Variants in LYN observed in about 807,000 individuals in gnomAD.
The protein encoded by LYN is tyrosine-protein kinase Lyn.
LYN carries 12 observed loss-of-function variants against 65.0 expected under a neutral mutation model. The observed-to-expected ratio is 0.18, with a 90% confidence interval of 0.12 to 0.30. The LOEUF (loss-of-function observed/expected upper bound fraction) is 0.30. LYN is among the 10% of genes least tolerant of loss of function. LYN has a pLI of 1.00. For synonymous variants in LYN, 222 were observed against 221.2 expected, an observed-to-expected ratio of 1.00 and a Z score of -0.03; for missense variants, 380 against 623.2, an observed-to-expected ratio of 0.61 and a Z score of 4.16.
chr8:55,880,874 G>T (rs778674557), intron 1 of LYN, among the ~76,000 whole-genome samples: 12 of 152,216 alleles, frequency 7.9e-5, no homozygotes, highest in Non-Finnish European at 1.6e-4. Context: ...GGCATCTTTT[G>T]CTTGCGGTGC....
chr8:55,885,043 C>T (rs1288523884), intron 1 of LYN, among the ~76,000 whole-genome samples: 1 of 152,154 alleles, frequency 6.6e-6, no homozygotes. Context: ...TTCCAGTACC[C>T]CTTCTTCTGC....
At chr8:55,908,866 C>T (rs1404832983) in intron 1 of LYN, among the ~76,000 whole-genome samples, 1 of 151,710 alleles carries the variant, frequency 6.6e-6, no homozygotes, top group Non-Finnish European at 1.5e-5. Flanking sequence ...AATTGTTTTA[C>T]TTAAGATAAT....
chr8:55,985,989 A>G (rs144755094), intron 10 of LYN, among the ~76,000 whole-genome samples: 1 of 152,274 alleles, frequency 6.6e-6, no homozygotes, highest in African/African-American at 2.4e-5. Context: ...CAATATAGTG[A>G]GACCTCATCT....
rs574195840 is a variant in LYN at position 55,904,621 on chromosome 8, A to T, written c.-6+24518A>T. Among the ~76,000 whole-genome samples, 368 of 152,246 alleles carry T rather than the reference A, an allele frequency of 2.4e-3. 1 individual carries two copies. The highest frequency in any genetic ancestry group is 8.5e-3 in the African/African-American group (353 of 41,542). ...AAGAAATGGCCAGGTGCGGTGGCTC[A>T]TGCCTGTAATCCCAGCTACTCGGGA... On this transcript the variant is annotated intron_variant, in intron 1 of 12. Coordinates refer to ENST00000519728, the MANE Select transcript of LYN (RefSeq NM_002350.4).
chr8:56,010,460 A>C lies in LYN; in HGVS notation c.*350A>C. 3.1e-6 allele frequency: 1 copy of C among 318,614 alleles called. No homozygotes were observed. The highest frequency in any genetic ancestry group is 5.9e-6 in the Non-Finnish European group (1 of 168,106). 19.7% of individuals were successfully genotyped at this position (318,614 alleles called of 1,614,324 possible). On this transcript the variant is annotated 3_prime_UTR_variant, in exon 13 of 13. Coordinates refer to ENST00000519728, the MANE Select transcript of LYN (RefSeq NM_002350.4). ...AAATGGACATAGGACTCAAAGTTTCAGAGACCATTGCAATGAATCCCCAAT... is the reference window on the plus strand; with the variant it reads ...AAATGGACATAGGACTCAAAGTTTCCGAGACCATTGCAATGAATCCCCAAT...
chr8:55,938,923 C>T (rs1386877521), intron 1 of LYN, among the ~76,000 whole-genome samples: 1 of 152,176 alleles, frequency 6.6e-6, no homozygotes, highest in South Asian at 2.1e-4. Flanking sequence ...CCTCAGTTTT[C>T]TCCTCTGTAA....
At chr8:55,956,920 A>C (rs888267004) in intron 8 of LYN, among the ~76,000 whole-genome samples, 4 of 152,196 alleles carry the variant, frequency 2.6e-5, no homozygotes, top group African/African-American at 9.7e-5. Flanking sequence ...TACAGGCTCT[A>C]CGGGCCCTGC....
chr8:55,971,042 G>A (rs770788926), intron 10 of LYN, among the ~76,000 whole-genome samples: 11 of 152,242 alleles, frequency 7.2e-5, no homozygotes, highest in African/African-American at 1.2e-4. Flanking sequence ...GTAAAGGTGT[G>A]TGATGGGTGA....
At chr8:55,908,390 A>AC (rs1257235748) in intron 1 of LYN, among the ~76,000 whole-genome samples, 4 of 151,314 alleles carry the variant, frequency 2.6e-5, no homozygotes, top group African/African-American at 9.7e-5. Flanking sequence ...GATTACAGGC[A>AC]CCCCCCACCG....
At chr8:55,998,066 A>G (rs1294698339) in intron 10 of LYN, among the ~76,000 whole-genome samples, 1 of 151,974 alleles carries the variant, frequency 6.6e-6, no homozygotes, top group Non-Finnish European at 1.5e-5. Context: ...CCTGGGTGAA[A>G]GAGCGAGACT....
At chr8:55,912,529 C>G (rs1805665932) in intron 1 of LYN, among the ~76,000 whole-genome samples, 1 of 152,056 alleles carries the variant, frequency 6.6e-6, no homozygotes, top group Non-Finnish European at 1.5e-5. Flanking sequence ...AGTTCGAGAC[C>G]AGCCTGGCCA....
intron 10 of LYN, among the ~76,000 whole-genome samples, chr8:55,992,357 C>T (rs1052248335): frequency 1.3e-5 from 2 of 152,174 alleles, no homozygotes; most frequent in Non-Finnish European, 2.9e-5. Context: ...CCATGAGGCC[C>T]ACAGGGTCCT....
At position 55,999,737 on chromosome 8, in the gene LYN, C is replaced by T. The variant is rs567139616; in HGVS notation, c.1336+188C>T. Reference sequence around the variant, plus strand: ...CTGTAATCCCAGCACTTTGGGAGGCCGAGGCAGGTGGATCACCTGAGGTCG... The same window carrying T: ...CTGTAATCCCAGCACTTTGGGAGGCTGAGGCAGGTGGATCACCTGAGGTCG... On this transcript the variant is annotated intron_variant, in intron 12 of 12. Transcript: ENST00000519728. Among the ~76,000 whole-genome samples, 11 of 152,144 alleles carry T rather than the reference C, an allele frequency of 7.2e-5. No individual in the cohort carries two copies. The South Asian group carries it at 1.7e-3, about 23-fold the overall frequency.
intron 2 of LYN, among the ~76,000 whole-genome samples, chr8:55,945,660 G>GA (rs1806754047): frequency 6.6e-6 from 1 of 152,156 alleles, no homozygotes; most frequent in Non-Finnish European, 1.5e-5. Context: ...GTGGCACTGT[G>GA]AAGAAAAGAA....
At chr8:55,920,678 A>ATTTTTTTTTTTTTTTTT (rs57862713) in intron 1 of LYN, among the ~76,000 whole-genome samples, 1 of 150,446 alleles carries the variant, frequency 6.6e-6, no homozygotes, top group South Asian at 2.1e-4. Context: ...ACTTCAGGAA[A>ATTTTTTTTTTTTTTTTT]TTTTTTTTTT....
At chr8:55,978,164 G>A (rs1807809005) in intron 10 of LYN, among the ~76,000 whole-genome samples, 1 of 152,180 alleles carries the variant, frequency 6.6e-6, no homozygotes, top group Non-Finnish European at 1.5e-5. Context: ...ATGAAACTGA[G>A]GTGGGTTGCC....
At chr8:55,925,598 C>T (rs1056857967) in intron 1 of LYN, among the ~76,000 whole-genome samples, 6 of 152,158 alleles carry the variant, frequency 3.9e-5, no homozygotes, top group Non-Finnish European at 8.8e-5. Context: ...CATTTAAACT[C>T]CACCACAGCC....
intron 10 of LYN, among the ~76,000 whole-genome samples, chr8:55,984,741 C>T (rs1326323837): frequency 1.3e-5 from 2 of 152,220 alleles, no homozygotes; most frequent in African/African-American, 4.8e-5. Context: ...CAGATAACCC[C>T]CTCACTCTCA....
chr8:55,967,331 TGGA>T (rs1563317731), intron 9 of LYN, among the ~76,000 whole-genome samples: 1 of 75,114 alleles, frequency 1.3e-5, no homozygotes, highest in African/African-American at 4.4e-5. Flanking sequence ...TTTTTTTTTT[TGGA>T]AACAGAGTCT....
Sources: allele counts gnomAD v4.1 joint callset (sites outside exome capture counted in the v4.1 genomes callset), GRCh38; gene constraint gnomAD v4.1.1; transcripts MANE v1.5; gene names NCBI Gene and HGNC (gene_info 2026-07-23, HGNC 2026-07-21).